Variants in KCNG3 observed in about 807,000 individuals in gnomAD.
KCNG3 encodes voltage-gated potassium channel regulatory subunit KCNG3.
KCNG3 carries 15 observed loss-of-function variants against 29.0 expected under a neutral mutation model. That is an observed-to-expected ratio of 0.52 (90% CI 0.35 to 0.80). KCNG3 has a LOEUF of 0.80. Ranked by LOEUF, KCNG3 falls within the 30% of genes least tolerant of loss-of-function variation. KCNG3 has a pLI of 0.01. For synonymous variants in KCNG3, 322 were observed against 248.9 expected, an observed-to-expected ratio of 1.29 and a Z score of -2.76; for missense variants, 512 against 605.7, an observed-to-expected ratio of 0.85 and a Z score of 1.62.
chr2:42,471,885 CAAAAAAAAAAA>C, intron 1 of KCNG3, among the ~76,000 whole-genome samples: 1 of 63,926 alleles, frequency 1.6e-5, no homozygotes, highest in South Asian at 5.1e-4. Context: ...CCCTGTATCT[CAAAAAAAAAAA>C]AAAAAAAGAA....
At chr2:42,491,677 GAAGA>G (rs373746078) in intron 1 of KCNG3, among the ~76,000 whole-genome samples, 68 of 152,168 alleles carry the variant, frequency 4.5e-4, no homozygotes, top group African/African-American at 1.5e-3. Flanking sequence ...TTCAAGCCAA[GAAGA>G]AATAATAGAC....
At chr2:42,430,742 A>C in the KCNG3 span, among the ~76,000 whole-genome samples, 1 of 152,080 alleles carries the variant, frequency 6.6e-6, no homozygotes, top group South Asian at 2.1e-4. Context: ...CCACCTTATG[A>C]AATTCTGTTT....
intron 1 of KCNG3, among the ~76,000 whole-genome samples, chr2:42,475,656 A>AT (rs2103717405): frequency 6.6e-6 from 1 of 152,080 alleles, no homozygotes; most frequent in Non-Finnish European, 1.5e-5. Flanking sequence ...TAAAAAAAAA[A>AT]AAAAAAAAAT....
chr2:42,455,134 T>C (rs532958300), intron 1 of KCNG3, among the ~76,000 whole-genome samples: 1 of 152,208 alleles, frequency 6.6e-6, no homozygotes, highest in Non-Finnish European at 1.5e-5. Context: ...AGAGCCTTAA[T>C]ACAGAACTTT....
At chr2:42,440,331 G>C (rs1356320480), downstream of KCNG3, 1 of 152,166 alleles carries the variant, frequency 6.6e-6, no homozygotes, top group East Asian at 1.9e-4. Context: ...GAGTTACACA[G>C]CTGAATAGTA....
At chr2:42,492,715 G>A (rs1306732975) in intron 1 of KCNG3, 122 bp downstream of exon 1, 11 of 802,460 alleles carry the variant, frequency 1.4e-5, no homozygotes, top group Non-Finnish European at 1.4e-5. Flanking sequence ...CCTGGGCCTC[G>A]CTGGGCGCGC....
chr2:42,399,639 C>T, the KCNG3 span, among the ~76,000 whole-genome samples: 1 of 152,110 alleles, frequency 6.6e-6, no homozygotes, highest in Non-Finnish European at 1.5e-5. Flanking sequence ...TCAGTCACAT[C>T]AAGAATAATT....
chr2:42,448,551 C>G (rs1050856914), intron 1 of KCNG3, among the ~76,000 whole-genome samples: 1 of 151,992 alleles, frequency 6.6e-6, no homozygotes, highest in Non-Finnish European at 1.5e-5. Flanking sequence ...TATATCTGAT[C>G]GATCCATTCT....
chr2:42,474,613 A>G (rs1673377863), intron 1 of KCNG3, among the ~76,000 whole-genome samples: 2 of 152,218 alleles, frequency 1.3e-5, no homozygotes, highest in Non-Finnish European at 2.9e-5. Flanking sequence ...TTTAAAAAAT[A>G]TATACTAATC....
intron 1 of KCNG3, among the ~76,000 whole-genome samples, chr2:42,491,139 C>T (rs542701558): frequency 3.3e-5 from 5 of 152,082 alleles, no homozygotes; most frequent in South Asian, 2.1e-4. Flanking sequence ...CATTACTTTT[C>T]TCCCTTCACT....
intron 1 of KCNG3, among the ~76,000 whole-genome samples, chr2:42,477,623 AATCCTAGCACTTTGG>A (rs1438325416): frequency 6.6e-6 from 1 of 151,762 alleles, no homozygotes; most frequent in East Asian, 2.0e-4. Flanking sequence ...TCAGACCTGC[AATCCTAGCACTTTGG>A]GAGGCCGAGG....
chr2:42,401,769 T>G, the KCNG3 span, among the ~76,000 whole-genome samples: 1 of 151,958 alleles, frequency 6.6e-6, no homozygotes, highest in African/African-American at 2.4e-5. Context: ...AGAAATACTG[T>G]GACACCTGGG....
At chr2:42,446,903 G>A (rs569558247) in intron 1 of KCNG3, among the ~76,000 whole-genome samples, 1 of 152,076 alleles carries the variant, frequency 6.6e-6, no homozygotes, top group East Asian at 1.9e-4. Flanking sequence ...CACTTTGGGA[G>A]GCCAAGGTGG....
At chr2:42,482,562 A>C (rs1334212025) in intron 1 of KCNG3, among the ~76,000 whole-genome samples, 2 of 152,170 alleles carry the variant, frequency 1.3e-5, no homozygotes. Context: ...GTCTCTACTA[A>C]AAATACAAAA....
In KCNG3 at chr2:42,444,093, C is replaced by T. The variant is rs747727381; in HGVS notation, c.1152G>A (p.Val384=). Residue 384 remains valine, a synonymous_variant, in exon 2 of 2, where the codon GTG becomes GTA. Coordinates refer to ENST00000306078, the MANE Select transcript of KCNG3 (RefSeq NM_133329.6). This position sits in a 1 kb window ranked among gnomAD's most constrained non-coding sequence, Gnocchi z 5.8. ...VGYGDMYPIT[V]PGRILGGVCV... The stretch of plus-strand genomic sequence containing the variant: ...AAACTCCTCCAAGAATTCTTCCAGG[C>T]ACTGTGATAGGATACATATCTCCAT... 5.6e-6 allele frequency: 9 copies of T among 1,614,146 alleles called. No homozygotes were observed. Among genetic ancestry groups the T allele is most frequent in the Middle Eastern group, 1.6e-4 (1 of 6,062 alleles).
intron 1 of KCNG3, among the ~76,000 whole-genome samples, chr2:42,477,041 A>C (rs1272374003): frequency 6.7e-6 from 1 of 148,376 alleles, no homozygotes; most frequent in Non-Finnish European, 1.5e-5. Context: ...AAAAAAAAAA[A>C]ATTAGCCGGG....
the KCNG3 span, among the ~76,000 whole-genome samples, chr2:42,401,878 C>T: frequency 2.6e-5 from 4 of 151,980 alleles, no homozygotes; most frequent in African/African-American, 7.3e-5. Flanking sequence ...AGCGAGAATC[C>T]GTCTCAAAAA....
intron 1 of KCNG3, among the ~76,000 whole-genome samples, chr2:42,477,580 T>C (rs967789155): frequency 3.3e-5 from 5 of 151,520 alleles, no homozygotes; most frequent in Non-Finnish European, 5.9e-5. Flanking sequence ...AAAATTTTTA[T>C]TAGATATTTG....
chr2:42,461,586 A>G (rs1409849547), intron 1 of KCNG3, among the ~76,000 whole-genome samples: 3 of 152,168 alleles, frequency 2.0e-5, no homozygotes, highest in Admixed American at 1.3e-4. Flanking sequence ...GCCTGACAGC[A>G]CCTGTGGTCC....
Sources: gnomAD v4.1 joint callset for allele counts (sites outside exome capture counted in the v4.1 genomes callset) on GRCh38, gnomAD v4.1.1 for gene constraint, Gnocchi (gnomAD v3.1) non-coding constraint, MANE v1.5 for transcripts, NCBI Gene and HGNC (gene_info 2026-07-23, HGNC 2026-07-21) for gene names.